Variants in MMS19 observed in about 807,000 individuals in gnomAD.
MMS19 encodes MMS19 nucleotide excision repair protein homolog.
MMS19 carries 77 observed loss-of-function variants against 129.8 expected under a neutral mutation model. The observed-to-expected ratio is 0.59, with a 90% CI of 0.49 to 0.72. The LOEUF is 0.72. Among genes scored for constraint, MMS19 ranks in the 30% least tolerant of loss-of-function variants. MMS19 has a pLI of 0.00. For missense variants in MMS19, 1,168 were observed against 1,266.3 expected (o/e 0.92, Z 1.18); for synonymous variants, 491 against 502.8 (o/e 0.98, Z 0.31).
chr10:97,492,468 CTG>C (rs1294480930), intron 1 of MMS19, among the ~76,000 whole-genome samples: 1 of 148,494 alleles, frequency 6.7e-6, no homozygotes, highest in Admixed American at 6.7e-5. Context: ...GAGTGAGACT[CTG>C]TCTCAAAAAA....
At chr10:97,487,545 T>A (rs1175458215) in intron 1 of MMS19, among the ~76,000 whole-genome samples, 2 of 152,056 alleles carry the variant, frequency 1.3e-5, no homozygotes, top group African/African-American at 4.8e-5. Context: ...GGTCTCGATC[T>A]CCTGACCTCA....
chr10:97,487,318 C>CTTTTT (rs201462938), intron 1 of MMS19, among the ~76,000 whole-genome samples: 7 of 137,668 alleles, frequency 5.1e-5, no homozygotes, highest in Non-Finnish European at 9.3e-5. Flanking sequence ...GAGAAAATTT[C>CTTTTT]TTTTTTTTTT....
chr10:97,465,762 C>T, intron 18 of MMS19, 43 bp downstream of exon 18: 1 of 1,582,178 alleles, frequency 6.3e-7, no homozygotes, highest in Non-Finnish European at 8.6e-7. Context: ...GACTACAGCT[C>T]CCTATTCAGC....
intron 17 of MMS19, 49 bp downstream of exon 17, chr10:97,466,010 C>T (rs1402336786): frequency 1.2e-6 from 2 of 1,611,876 alleles, no homozygotes; most frequent in African/African-American, 2.7e-5. Context: ...ACGAAGGCCC[C>T]AAAGCCTTGC....
At chr10:97,498,181 C>G in intron 1 of MMS19, 92 bp downstream of exon 1, 1 of 1,254,540 alleles carries the variant, frequency 8.0e-7, no homozygotes, top group Non-Finnish European at 1.1e-6. Flanking sequence ...CTCAAAGTCA[C>G]CCCGCTCCTC....
Position 97,461,379 on chromosome 10 carries a change from T to C in MMS19, c.2311+117A>G, listed in dbSNP as rs148484347. The C allele has an allele frequency of 3.0e-3, 3,828 of 1,260,142 alleles. 27 individuals carry two copies. Among genetic ancestry groups the C allele is most frequent in the South Asian group, 0.015 (1,019 of 69,106 alleles). The allele number at this position is 1,260,142 out of a possible 1,614,324, so 78.1% of individuals were successfully genotyped here. On this transcript the variant is annotated intron_variant, in intron 23 of 30. Coordinates refer to ENST00000438925, the MANE Select transcript of MMS19 (RefSeq NM_022362.5). ...CAGTCCCAGGACAGTGCTTGAGCAG[T>C]TGAAGCCCTGTTAATGTTATTAGCA...
rs2030539424 is a variant in MMS19, at chr10:97,458,612, T to C, written c.*80A>G. The C allele has an allele frequency of 6.9e-7, 1 of 1,442,606 alleles. No homozygotes were observed. The highest frequency in any genetic ancestry group is 2.5e-5 in the East Asian group (1 of 40,446). 89.4% of individuals were successfully genotyped at this position (1,442,606 alleles called of 1,614,324 possible). On this transcript the variant is annotated 3_prime_UTR_variant, in exon 31 of 31. Transcript: ENST00000438925. ...GAAAGGCAGTCAGAGACCAGTGGTTTCCCTGCTTTGGGGAAGATGGCTCAA... is the reference window on the plus strand; with the variant it reads ...GAAAGGCAGTCAGAGACCAGTGGTTCCCCTGCTTTGGGGAAGATGGCTCAA...
At chr10:97,469,584 A>T in intron 11 of MMS19, 62 bp downstream of exon 11, 1 of 1,357,100 alleles carries the variant, frequency 7.4e-7, no homozygotes, top group Non-Finnish European at 1.1e-6. Context: ...AGGATGTATT[A>T]TTTCCCCTCA....
chr10:97,482,735 TATACACACACACACAC>T (rs1326552328), intron 2 of MMS19, among the ~76,000 whole-genome samples: 3 of 137,864 alleles, frequency 2.2e-5, no homozygotes, highest in East Asian at 4.7e-4. Context: ...TGTGTATATA[TATACACACACACACAC>T]ACACACACAC....
chr10:97,461,485 G>T lies in MMS19; in HGVS notation c.2311+11C>A. ...TTCTGGGAGGCTCCTTACATAGTCT[G>T]ATCTCAGTACCTGCAGGGTGCTTGT... On this transcript the variant is annotated intron_variant, in intron 23 of 30. Transcript: ENST00000438925. 1 of 1,606,754 alleles carries T rather than the reference G, an allele frequency of 6.2e-7. No individual in the cohort carries two copies. Among genetic ancestry groups the T allele is most frequent in the South Asian group, 1.1e-5 (1 of 89,310 alleles).
chr10:97,464,691 A>ATT (rs756050923), intron 18 of MMS19, among the ~76,000 whole-genome samples: 5 of 138,744 alleles, frequency 3.6e-5, no homozygotes, highest in Non-Finnish European at 1.6e-5. Flanking sequence ...TACCTAGGTA[A>ATT]TTTTTTTTTT....
In MMS19 at chr10:97,461,564, T is replaced by A; in HGVS notation, c.2243A>T (p.His748Leu). The change falls in exon 23 of 31, where the codon CAC becomes CTC. Residue 748 changes from histidine to leucine, a missense_variant. Coordinates refer to ENST00000438925, the MANE Select transcript of MMS19 (RefSeq NM_022362.5). Reference sequence around the variant, plus strand: ...AGCGGTGGAAGAAAAGGGGCAGCTGTGGCAGCAGCTCAGTTCCAAAAGCTC... The same window carrying A: ...AGCGGTGGAAGAAAAGGGGCAGCTGAGGCAGCAGCTCAGTTCCAAAAGCTC... ...MRELLELSCCHSCPFSSTAAA... is the reference protein window; with the variant it reads ...MRELLELSCCLSCPFSSTAAA... The A allele has an allele frequency of 3.1e-6, 5 of 1,602,638 alleles. No individual in the cohort carries two copies. Among genetic ancestry groups the A allele is most frequent in the Non-Finnish European group, 4.3e-6 (5 of 1,174,614 alleles).
At chr10:97,460,566 T>A in intron 25 of MMS19, 129 bp downstream of exon 25, 2 of 825,818 alleles carry the variant, frequency 2.4e-6, no homozygotes, top group Non-Finnish European at 4.0e-6. Flanking sequence ...AGTAAGACCC[T>A]GTCTCCAAAA....
intron 12 of MMS19, among the ~76,000 whole-genome samples, 199 bp from the exon 13 acceptor site, chr10:97,468,605 A>G (rs1276936565): frequency 6.6e-6 from 1 of 152,158 alleles, no homozygotes; most frequent in African/African-American, 2.4e-5. Context: ...ACTGGCCCTT[A>G]AGGAATGTCA....
In MMS19 at chr10:97,459,258, A is replaced by C; in HGVS notation, c.2929T>G (p.Cys977Gly). Residue 977 changes from cysteine (C) to glycine (G), a missense_variant, in exon 29 of 31, where the codon TGC becomes GGC. Around this residue, in one of 3 missense-constraint regions of MMS19, gnomAD observed 831 missense variants for 910.8 expected, o/e 0.91. Transcript: ENST00000438925. ...GGCAGGCGAGTGAGAGCATGCATGCACTGCAGTGCGGCGATCCGGACAGCC... is the reference window on the plus strand; with the variant it reads ...GGCAGGCGAGTGAGAGCATGCATGCCCTGCAGTGCGGCGATCCGGACAGCC... The part of the protein sequence containing the change: ...SMAVRIAALQ[C>G]MHALTRLPTP... The C allele has an allele frequency of 6.2e-7, 1 of 1,613,246 alleles. No individual in the cohort carries two copies. The highest frequency in any genetic ancestry group is 1.1e-5 in the South Asian group (1 of 90,982).
chr10:97,498,137 C>T, intron 1 of MMS19, 136 bp downstream of exon 1: 1 of 748,252 alleles, frequency 1.3e-6, no homozygotes, highest in Non-Finnish European at 2.1e-6. Flanking sequence ...CTCTGAACCT[C>T]GCGGTGCTCA....
intron 1 of MMS19, among the ~76,000 whole-genome samples, chr10:97,495,362 A>G (rs2039602468): frequency 6.6e-6 from 1 of 152,232 alleles, no homozygotes; most frequent in Admixed American, 6.5e-5. Context: ...CCAGGAACCC[A>G]GGTACAAAAC....
At chr10:97,459,878 A>G (rs1229326988) in intron 26 of MMS19, 137 bp from the exon 27 acceptor site, 3 of 975,934 alleles carry the variant, frequency 3.1e-6, no homozygotes, top group Non-Finnish European at 4.6e-6. Flanking sequence ...AATAAGCAAG[A>G]TACGCCCATG....
In MMS19 at chr10:97,466,114, G is replaced by C; in HGVS notation, c.1551C>G (p.Tyr517Ter). ...CGAGGTGGCTGCTGAAGGCCACAGG[G>C]TAGAGAGCAGCCAGGGTTCCTGATG... is the stretch of plus-strand genomic sequence containing the variant. Reference protein sequence around the residue: ...LEASGTLAALYPVAFSSHLVP... With the variant: ...LEASGTLAAL The change falls in exon 17 of 31, where the codon TAC becomes TAG. Residue 517 changes from tyrosine (Y) to a stop codon, truncating the protein, a stop_gained. Transcript: ENST00000438925. LOFTEE classifies it high-confidence loss of function. 1 of 1,596,936 alleles carries C rather than the reference G, an allele frequency of 6.3e-7. No individual in the cohort carries two copies. Among genetic ancestry groups the C allele is most frequent in the Non-Finnish European group, 8.5e-7 (1 of 1,171,550 alleles).
Sources: allele counts gnomAD v4.1 joint callset (sites outside exome capture counted in the v4.1 genomes callset), GRCh38; gene constraint gnomAD v4.1.1; regional missense constraint gnomAD v4.1.1; transcripts MANE v1.5; gene names NCBI Gene and HGNC (gene_info 2026-07-23, HGNC 2026-07-21).